MGAT4A: variants seen among roughly 807,000 people sequenced by gnomAD.
MGAT4A encodes alpha-1,3-mannosyl-glycoprotein 4-beta-N-acetylglucosaminyltransferase A, also known as N-acetylglucosaminyltransferase IVa.
MGAT4A carries 33 observed loss-of-function variants against 74.1 expected under a neutral mutation model. That is an observed-to-expected ratio of 0.45 (90% CI 0.34 to 0.60). The LOEUF (loss-of-function observed/expected upper bound fraction) is 0.60. Ranked by LOEUF, MGAT4A falls within the 20% of genes least tolerant of loss-of-function variation. MGAT4A has a pLI of 0.02. For missense variants in MGAT4A, 479 were observed against 628.3 expected, an observed-to-expected ratio of 0.76 and a Z score of 2.54; for synonymous variants, 198 against 210.4, an observed-to-expected ratio of 0.94 and a Z score of 0.51.
chr2:98,638,371 AT>A (rs1435765184), intron 12 of MGAT4A, among the ~76,000 whole-genome samples: 4 of 152,226 alleles, frequency 2.6e-5, no homozygotes, highest in Non-Finnish European at 4.4e-5. Flanking sequence ...CTATAAGGAT[AT>A]TCTATAAAGT....
At chr2:98,688,520 T>C (rs756891107) in intron 2 of MGAT4A, among the ~76,000 whole-genome samples, 6 of 152,194 alleles carry the variant, frequency 3.9e-5, no homozygotes, top group Non-Finnish European at 8.8e-5. Context: ...ATAACATCTA[T>C]AGTGTATAGT....
chr2:98,685,001 C>G (rs1702109153), intron 2 of MGAT4A, among the ~76,000 whole-genome samples: 1 of 152,096 alleles, frequency 6.6e-6, no homozygotes, highest in Non-Finnish European at 1.5e-5. Context: ...CTCTGGGAGG[C>G]CAGGGCAGGA....
chr2:98,640,335 C>T (rs571595815), intron 10 of MGAT4A, 107 bp from the exon 11 acceptor site: 67 of 901,670 alleles, frequency 7.4e-5, no homozygotes, highest in African/African-American at 6.2e-4. Flanking sequence ...AAGGGCTGGG[C>T]GCGGTGGGTC....
chr2:98,704,543 G>A (rs1210828406), intron 2 of MGAT4A, among the ~76,000 whole-genome samples: 1 of 152,138 alleles, frequency 6.6e-6, no homozygotes, highest in African/African-American at 2.4e-5. Flanking sequence ...AGGAGCCCGA[G>A]GCTGCAGTGA....
intron 2 of MGAT4A, among the ~76,000 whole-genome samples, chr2:98,712,339 T>C (rs1007474580): frequency 6.6e-6 from 1 of 152,224 alleles, no homozygotes; most frequent in African/African-American, 2.4e-5. Context: ...CACACCTCCA[T>C]GAATGCATGA....
At chr2:98,729,621 A>G (rs1702816062) in intron 1 of MGAT4A, among the ~76,000 whole-genome samples, 2 of 152,228 alleles carry the variant, frequency 1.3e-5, no homozygotes, top group Non-Finnish European at 2.9e-5. Context: ...TCTAGACATC[A>G]GACTGTTTTG....
intron 2 of MGAT4A, among the ~76,000 whole-genome samples, chr2:98,684,616 G>A (rs1702104061): frequency 6.6e-6 from 1 of 152,144 alleles, no homozygotes. Context: ...TAAAATTGCT[G>A]ATATTTGATC....
At chr2:98,682,966 T>C (rs1423363711) in intron 2 of MGAT4A, among the ~76,000 whole-genome samples, 2 of 151,840 alleles carry the variant, frequency 1.3e-5, no homozygotes, top group Non-Finnish European at 2.9e-5. Flanking sequence ...CGGGCGCCTG[T>C]AGTCCCAGCT....
chr2:98,693,105 C>A (rs1702216945), intron 2 of MGAT4A, among the ~76,000 whole-genome samples: 1 of 152,118 alleles, frequency 6.6e-6, no homozygotes, highest in Admixed American at 6.6e-5. Context: ...TGAATTACAG[C>A]AAATTTCTCA....
intron 6 of MGAT4A, among the ~76,000 whole-genome samples, chr2:98,657,717 T>C (rs1701679845): frequency 6.6e-6 from 1 of 152,170 alleles, no homozygotes; most frequent in Non-Finnish European, 1.5e-5. Context: ...AAGGCAATAT[T>C]ATAAAAAATA....
intron 1 of MGAT4A, among the ~76,000 whole-genome samples, chr2:98,728,518 C>A (rs760292510): frequency 2.6e-5 from 4 of 152,122 alleles, no homozygotes; most frequent in Non-Finnish European, 4.4e-5. Context: ...GAGGCTGAGG[C>A]AGGCAGATTA....
intron 2 of MGAT4A, among the ~76,000 whole-genome samples, chr2:98,680,898 T>C (rs1170966405): frequency 6.6e-6 from 1 of 152,262 alleles, no homozygotes; most frequent in Non-Finnish European, 1.5e-5. Flanking sequence ...TTATCTCTTA[T>C]TCCTAAATAA....
At chr2:98,639,531 C>T (rs1052074945) in intron 12 of MGAT4A, among the ~76,000 whole-genome samples, 5 of 152,040 alleles carry the variant, frequency 3.3e-5, no homozygotes, top group East Asian at 3.9e-4. Flanking sequence ...TTGAGATTTT[C>T]GAGAGTTCCG....
At chr2:98,709,198 A>T (rs1702480869) in intron 2 of MGAT4A, among the ~76,000 whole-genome samples, 1 of 152,094 alleles carries the variant, frequency 6.6e-6, no homozygotes, top group Admixed American at 6.5e-5. Context: ...ACGGAGAAAA[A>T]GGCGGTCTAC....
rs1482754222 is a variant in MGAT4A at position 98,623,422 on chromosome 2, C to T, written c.*2144G>A. The T allele has an allele frequency of 1.5e-5, 15 of 985,320 alleles. No individual in the cohort carries two copies. In the South Asian group the frequency reaches 5.2e-4, roughly 34 times the overall value. The allele number at this position is 985,320 out of a possible 1,614,324, so 61.0% of individuals were successfully genotyped here. On this transcript the variant is annotated 3_prime_UTR_variant, in exon 16 of 16. Transcript: ENST00000393487. The stretch of plus-strand genomic sequence containing the variant: ...CTGAGGAACCAGGGACCCAAGAGTA[C>T]TCCTAAGCCCACCTGCAGAGATTTT...
chr2:98,715,413 G>A (rs1702579056), intron 2 of MGAT4A, among the ~76,000 whole-genome samples: 2 of 151,646 alleles, frequency 1.3e-5, no homozygotes, highest in Admixed American at 6.6e-5. Context: ...ATGAATGATG[G>A]AAACAGAAAG....
chr2:98,730,485 TGCACGGCCGGTCCCCTCGG>T (rs1165610442), intron 1 of MGAT4A, among the ~76,000 whole-genome samples: 1 of 152,194 alleles, frequency 6.6e-6, no homozygotes, highest in Non-Finnish European at 1.5e-5. Context: ...CTGCGAAGGC[TGCACGGCCGGTCCCCTCGG>T]GAGCAGCCCC....
At position 98,674,350 on chromosome 2, in the gene MGAT4A, C is replaced by T. The variant is rs769412073; in HGVS notation, c.403+685G>A. 3.3e-5 allele frequency among the ~76,000 whole-genome samples: 5 copies of T among 152,296 alleles called. No homozygotes were observed. In the Middle Eastern group the frequency reaches 0.014, roughly 414 times the overall value. The stretch of plus-strand genomic sequence containing the variant: ...TCTACAAAGAAAAGATTAACAAAGT[C>T]AAAACAGCGGAATCAAATGTATGAG... On this transcript the variant is annotated intron_variant, in intron 4 of 15. Transcript: ENST00000393487.
At chr2:98,690,387 G>A (rs1008800594) in intron 2 of MGAT4A, among the ~76,000 whole-genome samples, 6 of 152,090 alleles carry the variant, frequency 3.9e-5, no homozygotes, top group Non-Finnish European at 4.4e-5. Context: ...CAGGACTTAC[G>A]GGAAACTGAC....
Sources: gnomAD v4.1 joint callset for allele counts (sites outside exome capture counted in the v4.1 genomes callset) on GRCh38, gnomAD v4.1.1 for gene constraint, MANE v1.5 for transcripts, NCBI Gene and HGNC (gene_info 2026-07-23, HGNC 2026-07-21) for gene names.